The following CFAP20DC variants were observed in gnomAD, a reference collection of about 807,000 sequenced individuals.
CFAP20DC encodes the protein protein CFAP20DC.
Under a neutral mutation model 101.7 loss-of-function variants are expected in CFAP20DC, and 84 were observed. That is an observed-to-expected ratio of 0.83 (90% CI 0.69 to 0.99). The LOEUF is 0.99. Ranked by LOEUF, CFAP20DC falls within the 50% of genes least tolerant of loss-of-function variation. The pLI is 0.00. For synonymous variants in CFAP20DC, 359 were observed against 351.2 expected (o/e 1.02, Z -0.25); for missense variants, 1,007 against 970.3 (o/e 1.04, Z -0.50).
intron 4 of CFAP20DC, chr3:59,017,597 C>T (rs886951365): frequency 1.6e-4 from 25 of 152,232 alleles, no homozygotes; most frequent in African/African-American, 6.0e-4. Context: ...AACCCTACAT[C>T]CATTTTTTGG....
In CFAP20DC at chr3:59,040,917, T is replaced by C. The variant is rs975255139; in HGVS notation, c.206-1288A>G. ...AGAGGGCCATCAGTAGTGTAAGCAA[T>C]GTAACAGAAATAAGAGATCACAGGC... On this transcript the variant is annotated intron_variant, in intron 3 of 16. Coordinates refer to ENST00000482387, the MANE Select transcript of CFAP20DC (RefSeq NM_001394063.1). 2.0e-5 allele frequency among the ~76,000 whole-genome samples: 3 copies of C among 152,132 alleles called. No individual in the cohort carries two copies. In the East Asian group the frequency reaches 5.8e-4, roughly 29 times the overall value.
intron 12 of CFAP20DC, among the ~76,000 whole-genome samples, chr3:58,857,317 G>T (rs1167577120): frequency 1.3e-5 from 2 of 152,102 alleles, no homozygotes; most frequent in Non-Finnish European, 2.9e-5. Context: ...ACCTGTGATG[G>T]GTCAGAGTAC....
Position 58,946,907 on chromosome 3 carries a change from T to C in CFAP20DC, c.279-9145A>G, listed in dbSNP as rs532324293. On this transcript the variant is annotated intron_variant, in intron 4 of 16. Coordinates refer to ENST00000482387, the MANE Select transcript of CFAP20DC (RefSeq NM_001394063.1). ...CAGAACCTGCATACCATTTTACCTG[T>C]GTTATCTCATTTATTCCTCCCAACA... 2.0e-5 allele frequency among the ~76,000 whole-genome samples: 3 copies of C among 152,312 alleles called. No homozygotes were observed. In the South Asian group the frequency reaches 6.2e-4, roughly 32 times the overall value.
At chr3:58,741,421 TG>T (rs1438075883), downstream of CFAP20DC, among the ~76,000 whole-genome samples, 4 of 151,846 alleles carry the variant, frequency 2.6e-5, no homozygotes, top group African/African-American at 7.3e-5. Flanking sequence ...TGTGTGGCAG[TG>T]GGGGGATTTC....
chr3:58,821,348 T>C (rs2075628156), intron 14 of CFAP20DC, among the ~76,000 whole-genome samples: 1 of 151,610 alleles, frequency 6.6e-6, no homozygotes, highest in African/African-American at 2.4e-5. Context: ...ACCATCAGAG[T>C]GAACAGGCAA....
rs1199510026 is a variant in CFAP20DC, at chr3:58,971,862, CAT to C, written c.279-34102_279-34101del. On this transcript the variant is annotated intron_variant, in intron 4 of 16. Coordinates refer to ENST00000482387, the MANE Select transcript of CFAP20DC (RefSeq NM_001394063.1). This position sits in a 1 kb window ranked among gnomAD's most constrained non-coding sequence, Gnocchi z 4.1. ...GACTGTAATATCATACACACGCACA[CAT>C]ACACACACACACACACACACACACA... Among the ~76,000 whole-genome samples, 3 of 142,050 alleles carry C rather than the reference CAT, an allele frequency of 2.1e-5. No individual in the cohort carries two copies. Among genetic ancestry groups the C allele is most frequent in the Admixed American group, 1.4e-4 (2 of 14,708 alleles). The allele number at this position is 142,050 out of a possible 152,430, so 93.2% of individuals were successfully genotyped here. A position where few individuals can be genotyped will look rare whatever the true frequency, so the allele number is the denominator to read the frequency against.
intron 4 of CFAP20DC, among the ~76,000 whole-genome samples, chr3:58,949,020 G>T (rs1025282776): frequency 1.3e-5 from 2 of 152,152 alleles, no homozygotes; most frequent in African/African-American, 4.8e-5. Flanking sequence ...AGTCTTGGGA[G>T]GGTGTATGTG....
chr3:58,826,596 G>A (rs1397597234), intron 14 of CFAP20DC, among the ~76,000 whole-genome samples: 2 of 152,066 alleles, frequency 1.3e-5, no homozygotes, highest in Non-Finnish European at 2.9e-5. Context: ...GAGAATGATG[G>A]TTTCCGGCTT....
At chr3:58,768,480 G>A (rs1342426986) in intron 15 of CFAP20DC, among the ~76,000 whole-genome samples, 1 of 152,120 alleles carries the variant, frequency 6.6e-6, no homozygotes, top group African/African-American at 2.4e-5. Context: ...GCGATGTGCT[G>A]GAAATATTTA....
chr3:58,907,237 T>C (rs1193345359), intron 6 of CFAP20DC, among the ~76,000 whole-genome samples: 1 of 152,120 alleles, frequency 6.6e-6, no homozygotes, highest in Non-Finnish European at 1.5e-5. Context: ...GTCGGCAACC[T>C]ATGGTAGTCA....
chr3:58,788,362 T>C lies in CFAP20DC; in HGVS notation c.2237+18033A>G, dbSNP rs899638590. ...TAAACCACGGTTACCGGGGAAATCC[T>C]ATTGGTGAGAATCCACAGACATTTT... is the stretch of plus-strand genomic sequence containing the variant. On this transcript the variant is annotated intron_variant, in intron 15 of 16. Transcript: ENST00000482387. The surrounding 1 kb of genome is among the most constrained non-coding windows in gnomAD (Gnocchi z 4.2). Among the ~76,000 whole-genome samples, 3 of 152,122 alleles carry C rather than the reference T, an allele frequency of 2.0e-5. No individual in the cohort carries two copies. The highest frequency in any genetic ancestry group is 7.2e-5 in the African/African-American group (3 of 41,438).
At chr3:58,957,368 T>C (rs577902554) in intron 4 of CFAP20DC, among the ~76,000 whole-genome samples, 18 of 152,202 alleles carry the variant, frequency 1.2e-4, no homozygotes, top group Non-Finnish European at 2.6e-4. Flanking sequence ...CTATCAAGGA[T>C]GTGGAGAAAT....
At chr3:58,840,787 G>T (rs978201154) in intron 13 of CFAP20DC, among the ~76,000 whole-genome samples, 1 of 152,152 alleles carries the variant, frequency 6.6e-6, no homozygotes, top group African/African-American at 2.4e-5. Context: ...TTCTACATGC[G>T]CTATCTAATT....
intron 15 of CFAP20DC, among the ~76,000 whole-genome samples, chr3:58,776,866 C>G (rs1299703838): frequency 6.6e-6 from 1 of 151,822 alleles, no homozygotes; most frequent in East Asian, 1.9e-4. Flanking sequence ...AAGAGACAGT[C>G]CCTTCACCAT....
intron 4 of CFAP20DC, among the ~76,000 whole-genome samples, chr3:58,943,981 A>G (rs2088995340): frequency 6.6e-6 from 1 of 152,170 alleles, no homozygotes; most frequent in African/African-American, 2.4e-5. Flanking sequence ...TCAGAAAATG[A>G]GGATCAACTT....
rs570492366 is a variant in CFAP20DC at position 58,723,380 on chromosome 3, T to C, written c.198-5752A>G. On this transcript the variant is annotated intron_variant, in intron 3 of 3. Transcript: ENST00000486145. ...CTTTTTAATGGAAAAGCTTAAGTCATGTAATGTAAATACCACTTCACTTTC... is the reference window on the plus strand; with the variant it reads ...CTTTTTAATGGAAAAGCTTAAGTCACGTAATGTAAATACCACTTCACTTTC... Among the ~76,000 whole-genome samples, 12 of 152,340 alleles carry C rather than the reference T, an allele frequency of 7.9e-5. No individual in the cohort carries two copies. The East Asian group carries it at 1.7e-3, about 22-fold the overall frequency.
chr3:58,722,386 G>A lies in CFAP20DC; in HGVS notation c.198-4758C>T, dbSNP rs2067485391. ...AGTTTGGGGTGGTTTGTTGTGCAGT[G>A]AGAGGTAACTGGGACGCATGTTAAA... On this transcript the variant is annotated intron_variant, in intron 3 of 3. Transcript: ENST00000486145. This position sits in a 1 kb window ranked among gnomAD's most constrained non-coding sequence, Gnocchi z 4.5. Among the ~76,000 whole-genome samples the A allele has an allele frequency of 6.6e-6, 1 of 152,206 alleles. No individual in the cohort carries two copies. The highest frequency in any genetic ancestry group is 2.1e-4 in the South Asian group (1 of 4,828).
At chr3:58,860,353 G>T (rs773350230) in intron 12 of CFAP20DC, among the ~76,000 whole-genome samples, 2 of 152,098 alleles carry the variant, frequency 1.3e-5, no homozygotes, top group African/African-American at 2.4e-5. Context: ...AAAGCTGGGA[G>T]GGTGGACGAA....
chr3:58,725,966 C>G (rs1444194), intron 3 of CFAP20DC: 149,709 of 152,818 alleles, frequency 0.98, 73,388 homozygotes, highest in East Asian at 1. Context: ...CTAAAGCCTG[C>G]GACCCTGAGT....
Sources: gnomAD v4.1 joint callset for allele counts (sites outside exome capture counted in the v4.1 genomes callset) on GRCh38, gnomAD v4.1.1 for gene constraint, Gnocchi (gnomAD v3.1) non-coding constraint, MANE v1.5 for transcripts, NCBI Gene and HGNC (gene_info 2026-07-23, HGNC 2026-07-21) for gene names.